Variants in SHANK1 observed in about 807,000 individuals in gnomAD.
SHANK1 encodes SH3 and multiple ankyrin repeat domains protein 1.
A neutral mutation model predicts 165.6 loss-of-function variants in SHANK1; 35 were observed. The observed-to-expected ratio is 0.21, with a 90% CI of 0.16 to 0.28. SHANK1 has a LOEUF of 0.28. Among genes scored for constraint, SHANK1 ranks in the 10% least tolerant of loss-of-function variants. The pLI is 1.00. For missense variants in SHANK1, 2,681 were observed against 3,036.4 expected (o/e 0.88, Z 2.75); for synonymous variants, 1,428 against 1,384.8 (o/e 1.03, Z -0.69).
intron 21 of SHANK1, among the ~76,000 whole-genome samples, chr19:50,682,209 C>T (rs1986202567): frequency 6.6e-6 from 1 of 152,092 alleles, no homozygotes; most frequent in Non-Finnish European, 1.5e-5. Context: ...GTGCACACCA[C>T]CACGCCCAGC....
chr19:50,691,436 T>C (rs1986536051), intron 15 of SHANK1, among the ~76,000 whole-genome samples: 1 of 151,964 alleles, frequency 6.6e-6, no homozygotes, highest in African/African-American at 2.4e-5. Context: ...CCTCCCTTCC[T>C]CCATCTTTCT....
intron 12 of SHANK1, among the ~76,000 whole-genome samples, chr19:50,701,348 A>T (rs1263709723): frequency 7.1e-6 from 1 of 140,638 alleles, no homozygotes; most frequent in East Asian, 2.1e-4. Context: ...CACCTGGCTA[A>T]TTTTTTTTTT....
At chr19:50,682,115 G>A (rs1290586902) in intron 21 of SHANK1, among the ~76,000 whole-genome samples, 1 of 151,972 alleles carries the variant, frequency 6.6e-6, no homozygotes, top group African/African-American at 2.4e-5. Context: ...GAGTGCAGTG[G>A]CATGATCTCG....
At chr19:50,682,263 C>A (rs1340137954) in intron 21 of SHANK1, among the ~76,000 whole-genome samples, 1 of 151,184 alleles carries the variant, frequency 6.6e-6, no homozygotes, top group African/African-American at 2.4e-5. Context: ...ACTATGTTTG[C>A]CAGGATGGTC....
chr19:50,667,591 G>A lies in SHANK1; in HGVS notation c.4369C>T (p.Pro1457Ser). ...TCCGTCCCCAGCTGCAGCAGGAGGGGCCCCACCCCGGGAGCGGTGGGCGGC... is the reference window on the plus strand; with the variant it reads ...TCCGTCCCCAGCTGCAGCAGGAGGGACCCCACCCCGGGAGCGGTGGGCGGC... ...RLPPTAPGVG[P>S]LLLQLGTEPP... The change falls in exon 23 of 24, where the codon CCC (proline) becomes TCC (serine). Residue 1457 changes from proline (P) to serine (S), a missense_variant. This residue lies in a region of SHANK1 where 1,713 missense variants were observed against 1,630.2 expected (regional missense o/e 1.05). Coordinates refer to ENST00000293441, the MANE Select transcript of SHANK1 (RefSeq NM_016148.5). This position sits in a 1 kb window ranked among gnomAD's most constrained non-coding sequence, Gnocchi z 5.7. 6 of 1,438,618 alleles carry A rather than the reference G, an allele frequency of 4.2e-6. No individual in the cohort carries two copies. Among genetic ancestry groups the A allele is most frequent in the Non-Finnish European group, 4.5e-6 (5 of 1,107,534 alleles). 89.1% of individuals were successfully genotyped at this position (1,438,618 alleles called of 1,614,324 possible). A position where few individuals can be genotyped will look rare whatever the true frequency, so the allele number is the denominator to read the frequency against.
In SHANK1 at chr19:50,717,361, G is replaced by A. The variant is rs2089082600; in HGVS notation, c.-43-399C>T. The stretch of plus-strand genomic sequence containing the variant: ...GGACAGACAGGTGGACAAACTGACA[G>A]GCATCCTGCCCTCCTGGCCCCAGCC... On this transcript the variant is annotated intron_variant, in intron 1 of 23. Transcript: ENST00000293441. This position sits in a 1 kb window ranked among gnomAD's most constrained non-coding sequence, Gnocchi z 5.5. Among the ~76,000 whole-genome samples the A allele has an allele frequency of 6.6e-6, 1 of 152,218 alleles. No individual in the cohort carries two copies. Among genetic ancestry groups the A allele is most frequent in the African/African-American group, 2.4e-5 (1 of 41,458 alleles).
intron 4 of SHANK1, among the ~76,000 whole-genome samples, chr19:50,715,209 G>T (rs1179421547): frequency 6.6e-6 from 1 of 152,094 alleles, no homozygotes; most frequent in Non-Finnish European, 1.5e-5. Flanking sequence ...GGAAAGGGGG[G>T]TGTAATGGTT....
intron 15 of SHANK1, among the ~76,000 whole-genome samples, chr19:50,693,718 G>T (rs1307972204): frequency 6.6e-6 from 1 of 152,074 alleles, no homozygotes; most frequent in Admixed American, 6.5e-5. Context: ...ACAGAGGGAC[G>T]CCAGCCCCCC....
rs2123060687 is a variant in SHANK1 at position 50,662,759 on chromosome 19, T to C, written c.5769-77A>G. On this transcript the variant is annotated intron_variant, in intron 23 of 23. Coordinates refer to ENST00000293441, the MANE Select transcript of SHANK1 (RefSeq NM_016148.5). The surrounding 1 kb of genome is among the most constrained non-coding windows in gnomAD (Gnocchi z 7.7). ...GGCAGGGGTGAGAAAGAGGCAGAGG[T>C]CAAGATATAGGGAGAGAGGAGGAGA... 3 of 1,486,662 alleles carry C rather than the reference T, an allele frequency of 2.0e-6. No individual in the cohort carries two copies. The highest frequency in any genetic ancestry group is 1.8e-6 in the Non-Finnish European group (2 of 1,100,846). 92.1% of individuals were successfully genotyped at this position (1,486,662 alleles called of 1,614,324 possible). A position where few individuals can be genotyped will look rare whatever the true frequency, so the allele number is the denominator to read the frequency against.
rs1339363621 is a variant in SHANK1 at position 50,670,105 on chromosome 19, C to G, written c.2675-820G>C. On this transcript the variant is annotated intron_variant, in intron 22 of 23. Coordinates refer to ENST00000293441, the MANE Select transcript of SHANK1 (RefSeq NM_016148.5). This position sits in a 1 kb window ranked among gnomAD's most constrained non-coding sequence, Gnocchi z 4.1. ...CCTATATTCAAATACCCACACCCAGCTGGCTGTCTCACGGGCATCTCAGAC... is the reference window on the plus strand; with the variant it reads ...CCTATATTCAAATACCCACACCCAGGTGGCTGTCTCACGGGCATCTCAGAC... 7.2e-5 allele frequency among the ~76,000 whole-genome samples: 11 copies of G among 152,124 alleles called. No homozygotes were observed. The highest frequency in any genetic ancestry group is 2.0e-4 in the Admixed American group (3 of 15,272).
intron 12 of SHANK1, among the ~76,000 whole-genome samples, chr19:50,700,067 CA>C (rs1299238947): frequency 1.5e-5 from 1 of 65,112 alleles, no homozygotes; most frequent in Non-Finnish European, 3.1e-5. Flanking sequence ...TTGGAAGGCT[CA>C]GGGCATTGGA....
At chr19:50,665,989 C>T (rs1254678600) in intron 23 of SHANK1, among the ~76,000 whole-genome samples, 2 of 144,368 alleles carry the variant, frequency 1.4e-5, no homozygotes, top group Non-Finnish European at 3.0e-5. Flanking sequence ...CCAGCCTGGG[C>T]AACAAGAGTG....
chr19:50,699,143 T>G (rs1986828043), intron 12 of SHANK1, among the ~76,000 whole-genome samples: 1 of 152,180 alleles, frequency 6.6e-6, no homozygotes, highest in Admixed American at 6.5e-5. Context: ...AAGCTGAAAG[T>G]CATGGAAGAG....
intron 8 of SHANK1, 153 bp downstream of exon 8, chr19:50,711,218 A>AT (rs397724067): frequency 3.8e-4 from 218 of 567,784 alleles, no homozygotes; most frequent in Middle Eastern, 9.0e-4. Flanking sequence ...GGATGGATGG[A>AT]GGAATGAATG....
rs779536552 is a variant in SHANK1, at chr19:50,716,260, T to C, written c.459+15A>G. 5 of 1,610,150 alleles carry C rather than the reference T, an allele frequency of 3.1e-6. No individual in the cohort carries two copies. The Admixed American group carries it at 8.3e-5, about 27-fold the overall frequency. ...ATGCCTTCTCTTATCAGTGAAGGAG[T>C]TGGGGAAGCTTCACCTCCAGGTAGG... On this transcript the variant is annotated intron_variant, in intron 3 of 23. Coordinates refer to ENST00000293441, the MANE Select transcript of SHANK1 (RefSeq NM_016148.5). The surrounding 1 kb of genome is among the most constrained non-coding windows in gnomAD (Gnocchi z 8.4).
chr19:50,674,984 C>T (rs550611686), intron 21 of SHANK1, among the ~76,000 whole-genome samples: 2 of 150,188 alleles, frequency 1.3e-5, no homozygotes, highest in East Asian at 3.9e-4. Context: ...ATCACTTGAA[C>T]CCGGGAGGCG....
At position 50,667,417 on chromosome 19, in the gene SHANK1, C is replaced by A. The variant is rs549588707; in HGVS notation, c.4543G>T (p.Gly1515Trp). The stretch of plus-strand genomic sequence containing the variant: ...GGGCTGGGCGGCGGGACCCCCGGCC[C>A]GTCCTCCGAGGGGGGACCCCTTCCG... ...TSGRGPPSED[G>W]PGVPPPSPRR... is the part of the protein sequence containing the mutation. The change falls in exon 23 of 24, where the codon GGG (glycine) becomes TGG (tryptophan). Residue 1515 changes from glycine to tryptophan, a missense_variant. By Grantham distance (184) the Gly-to-Trp change is radical. Around this residue, in one of 10 missense-constraint regions of SHANK1, gnomAD observed 1,713 missense variants for 1,630.2 expected, o/e 1.05. Transcript: ENST00000293441. The surrounding 1 kb of genome is among the most constrained non-coding windows in gnomAD (Gnocchi z 5.7). 776 of 1,518,048 alleles carry A rather than the reference C, an allele frequency of 5.1e-4. 10 individuals are homozygous for A. Among genetic ancestry groups the A allele is most frequent in the Admixed American group, 5.7e-4 (27 of 47,256 alleles). The allele number at this position is 1,518,048 out of a possible 1,614,324, so 94.0% of individuals were successfully genotyped here.
At chr19:50,671,912 TG>T in intron 22 of SHANK1, 105 bp downstream of exon 22, 1 of 828,770 alleles carries the variant, frequency 1.2e-6, no homozygotes, top group Non-Finnish European at 2.0e-6. Context: ...GATGAAACTA[TG>T]GTCTCTCTGG....
chr19:50,691,168 G>A (rs143038146), intron 15 of SHANK1, among the ~76,000 whole-genome samples: 167 of 152,296 alleles, frequency 1.1e-3, no homozygotes, highest in African/African-American at 3.7e-3. Flanking sequence ...AGGGGTGAAT[G>A]AGGGTAGGAA....
Sources: gnomAD v4.1 joint callset for allele counts (sites outside exome capture counted in the v4.1 genomes callset) on GRCh38, gnomAD v4.1.1 for gene constraint, gnomAD v4.1.1 regional missense constraint, Gnocchi (gnomAD v3.1) non-coding constraint, MANE v1.5 for transcripts, NCBI Gene and HGNC (gene_info 2026-07-23, HGNC 2026-07-21) for gene names.